Variants in SLC4A10 observed in about 807,000 individuals in gnomAD.
SLC4A10 encodes sodium-driven chloride bicarbonate exchanger.
Under a neutral mutation model 137.7 loss-of-function variants are expected in SLC4A10, and 42 were observed. That is an observed-to-expected ratio of 0.30 (90% CI 0.24 to 0.39). The LOEUF is 0.39. Ranked by LOEUF, SLC4A10 falls within the 10% of genes least tolerant of loss-of-function variation. SLC4A10 has a pLI of 1.00. For missense variants in SLC4A10, 925 were observed against 1,355.0 expected (o/e 0.68, Z 4.98); for synonymous variants, 474 against 464.1 (o/e 1.02, Z -0.27).
chr2:161,905,130 C>T (rs927056770), intron 14 of SLC4A10, among the ~76,000 whole-genome samples: 5 of 152,126 alleles, frequency 3.3e-5, no homozygotes, highest in African/African-American at 7.2e-5. Flanking sequence ...TTATAAGCAT[C>T]GATAAATCCC....
At chr2:161,967,538 T>A (rs1322108578) in intron 23 of SLC4A10, among the ~76,000 whole-genome samples, 1 of 152,200 alleles carries the variant, frequency 6.6e-6, no homozygotes, top group Non-Finnish European at 1.5e-5. Context: ...GGTGGTAAGA[T>A]GTGCTCCTTA....
intron 1 of SLC4A10, among the ~76,000 whole-genome samples, chr2:161,655,821 T>C (rs1236977676): frequency 1.3e-5 from 2 of 151,736 alleles, no homozygotes; most frequent in Non-Finnish European, 2.9e-5. Context: ...ATTCTTCTTT[T>C]TTTTTTTTTT....
At chr2:161,648,111 G>T (rs2036307592) in intron 1 of SLC4A10, among the ~76,000 whole-genome samples, 1 of 152,086 alleles carries the variant, frequency 6.6e-6, no homozygotes, top group South Asian at 2.1e-4. Flanking sequence ...ACAAAATCAG[G>T]CTCAGTTGGG....
rs11894263 is a variant in SLC4A10, at chr2:161,727,094, A to G, written c.49-43879A>G. ...GGGTTATTCAAATTTGCTTTGGACT[A>G]TGTAACCCAGGTACAGTTAAAGGTG... On this transcript the variant is annotated intron_variant, in intron 1 of 26. Transcript: ENST00000446997. 2.0e-3 allele frequency among the ~76,000 whole-genome samples: 311 copies of G among 152,368 alleles called. 1 individual carries two copies. Among genetic ancestry groups the G allele is most frequent in the African/African-American group, 7.0e-3 (291 of 41,586 alleles).
chr2:161,874,049 C>A, intron 8 of SLC4A10, 44 bp downstream of exon 8: 1 of 1,524,112 alleles, frequency 6.6e-7, no homozygotes, highest in South Asian at 1.2e-5. Flanking sequence ...GTTCAAAGCT[C>A]ATTTCACTGT....
At chr2:161,943,043 C>T in intron 16 of SLC4A10, 146 bp downstream of exon 16, 1 of 636,484 alleles carries the variant, frequency 1.6e-6, no homozygotes, top group East Asian at 2.8e-5. Context: ...ATTTCAGATG[C>T]TCATCAGTAA....
chr2:161,888,817 C>T (rs973569349), intron 10 of SLC4A10, among the ~76,000 whole-genome samples: 2 of 152,086 alleles, frequency 1.3e-5, no homozygotes, highest in African/African-American at 4.8e-5. Context: ...ACTTCCAATA[C>T]TATGTTGGAT....
chr2:161,728,107 A>G (rs1223829669), intron 1 of SLC4A10, among the ~76,000 whole-genome samples: 1 of 152,230 alleles, frequency 6.6e-6, no homozygotes, highest in Non-Finnish European at 1.5e-5. Flanking sequence ...TTTTAGTATT[A>G]ACAAGGGAAT....
At chr2:161,890,028 C>T (rs957851046) in intron 10 of SLC4A10, among the ~76,000 whole-genome samples, 3 of 152,128 alleles carry the variant, frequency 2.0e-5, no homozygotes, top group South Asian at 2.1e-4. Flanking sequence ...TTTATTTCTG[C>T]TTTAATTTCG....
rs1371048145 is a variant in SLC4A10, at chr2:161,676,342, C to T, written c.48+51776C>T. Among the ~76,000 whole-genome samples, 7 of 80,764 alleles carry T rather than the reference C, an allele frequency of 8.7e-5. No individual in the cohort carries two copies. The East Asian group carries it at 1.6e-3, about 18-fold the overall frequency. 53.0% of individuals were successfully genotyped at this position (80,764 alleles called of 152,430 possible). On this transcript the variant is annotated intron_variant, in intron 1 of 26. Coordinates refer to ENST00000446997, the MANE Select transcript of SLC4A10 (RefSeq NM_001178015.2). ...TGGGCACTGTCATGGAATGTGGATG[C>T]GCATGTTGAAATGCCTTTAAAATAA... is the stretch of plus-strand genomic sequence containing the variant.
chr2:161,650,939 AG>A (rs2036705786), intron 1 of SLC4A10: 1 of 152,414 alleles, frequency 6.6e-6, no homozygotes, highest in Non-Finnish European at 1.5e-5. Context: ...AGGTCCCTGG[AG>A]AAGCCCCGCC....
chr2:161,942,642 C>T (rs1361238418), intron 15 of SLC4A10, 150 bp from the exon 16 acceptor site: 1 of 585,832 alleles, frequency 1.7e-6, no homozygotes, highest in East Asian at 2.8e-5. Flanking sequence ...TGAAAATAGT[C>T]TGTTGTGGAG....
intron 2 of SLC4A10, among the ~76,000 whole-genome samples, chr2:161,803,648 C>A (rs576445122): frequency 6.6e-6 from 1 of 152,126 alleles, no homozygotes; most frequent in Non-Finnish European, 1.5e-5. Flanking sequence ...CTTCTTTCAC[C>A]TAGCAATATG....
chr2:161,890,910 CTG>C (rs1412070052), intron 10 of SLC4A10, among the ~76,000 whole-genome samples: 3 of 152,052 alleles, frequency 2.0e-5, no homozygotes, highest in Admixed American at 6.6e-5. Flanking sequence ...TTACAATTTG[CTG>C]TGTTTTTCAG....
At position 161,694,037 on chromosome 2, in the gene SLC4A10, A is replaced by G. The variant is rs569436013; in HGVS notation, c.48+69471A>G. On this transcript the variant is annotated intron_variant, in intron 1 of 26. Coordinates refer to ENST00000446997, the MANE Select transcript of SLC4A10 (RefSeq NM_001178015.2). ...TGTTGCCAATCATTGAGGTCTCTTCAGAGACAACTGACTTTTCCAGATTAC... is the reference window on the plus strand; with the variant it reads ...TGTTGCCAATCATTGAGGTCTCTTCGGAGACAACTGACTTTTCCAGATTAC... Among the ~76,000 whole-genome samples the G allele has an allele frequency of 1.6e-4, 24 of 152,166 alleles. No homozygotes were observed. In the South Asian group the frequency reaches 5.0e-3, roughly 32 times the overall value.
intron 2 of SLC4A10, among the ~76,000 whole-genome samples, chr2:161,786,546 T>A (rs1279885014): frequency 6.6e-6 from 1 of 151,808 alleles, no homozygotes; most frequent in Non-Finnish European, 1.5e-5. Flanking sequence ...GACAGGAGAG[T>A]ATTGTCCTAT....
chr2:161,791,449 C>T (rs1047457270), intron 2 of SLC4A10, among the ~76,000 whole-genome samples: 2 of 152,086 alleles, frequency 1.3e-5, no homozygotes, highest in African/African-American at 4.8e-5. Context: ...GGAAACAACA[C>T]ACACTGAGGC....
At chr2:161,697,317 C>A (rs184978673) in intron 1 of SLC4A10, among the ~76,000 whole-genome samples, 3 of 152,186 alleles carry the variant, frequency 2.0e-5, no homozygotes, top group Admixed American at 2.0e-4. Context: ...TAATTGGCTC[C>A]CATTTGTCAA....
intron 1 of SLC4A10, among the ~76,000 whole-genome samples, chr2:161,686,584 C>T (rs1396914288): frequency 2.0e-5 from 3 of 152,002 alleles, no homozygotes; most frequent in Non-Finnish European, 2.9e-5. Flanking sequence ...AACAAATAAT[C>T]AGAAGTCTGG....
Sources: allele counts gnomAD v4.1 joint callset (sites outside exome capture counted in the v4.1 genomes callset), GRCh38; gene constraint gnomAD v4.1.1; transcripts MANE v1.5; gene names NCBI Gene and HGNC (gene_info 2026-07-23, HGNC 2026-07-21).